The following TULP4 variants were observed in gnomAD, a reference collection of about 807,000 sequenced individuals.
TULP4 encodes the protein tubby-related protein 4.
TULP4 carries 16 observed loss-of-function variants against 129.0 expected under a neutral mutation model. The observed-to-expected ratio is 0.12, with a 90% CI of 0.08 to 0.19. TULP4 has a LOEUF of 0.19. TULP4 is among the 10% of genes least tolerant of loss of function. TULP4 has a pLI of 1.00. For missense variants in TULP4, 1,842 were observed against 2,059.1 expected, an observed-to-expected ratio of 0.89 and a Z score of 2.04; for synonymous variants, 998 against 854.0, an observed-to-expected ratio of 1.17 and a Z score of -2.94.
chr6:158,391,519 A>G (rs1011568529), intron 1 of TULP4, among the ~76,000 whole-genome samples: 1 of 152,208 alleles, frequency 6.6e-6, no homozygotes, highest in Non-Finnish European at 1.5e-5. Flanking sequence ...ACTAATTTTT[A>G]AAGTATTTTT....
chr6:158,312,793 G>A lies in TULP4; in HGVS notation c.-1224G>A, dbSNP rs995941985. The A allele has an allele frequency of 6.6e-6, 1 of 152,130 alleles. No individual in the cohort carries two copies. The highest frequency in any genetic ancestry group is 2.4e-5 in the African/African-American group (1 of 41,424). 9.4% of individuals were successfully genotyped at this position (152,130 alleles called of 1,614,324 possible). ...GCAAAGCTTTCTTTTTGTTGGACTA[G>A]TGGTGTGGTGTTTGGAGACAGTCTC... On this transcript the variant is annotated 5_prime_UTR_variant, in exon 1 of 14. In the 5' UTR this introduces an upstream ATG that the reference lacks. Coordinates refer to ENST00000367097, the MANE Select transcript of TULP4 (RefSeq NM_020245.5).
intron 3 of TULP4, among the ~76,000 whole-genome samples, chr6:158,448,382 G>A (rs1002721950): frequency 5.9e-5 from 9 of 152,126 alleles, no homozygotes; most frequent in African/African-American, 2.2e-4. Context: ...TGCAAAGTAA[G>A]TACTTAATAT....
chr6:158,242,526 GTCTTCAAGACATTCTCAAT>G, intron 1 of TULP4: 2 of 756,606 alleles, frequency 2.6e-6, no homozygotes, highest in Non-Finnish European at 4.9e-6. Context: ...ACTTTCTACT[GTCTTCAAGACATTCTCAAT>G]TCTGTTGAGC....
rs1554281465 is a variant in TULP4 at position 158,337,035 on chromosome 6, T to TTC, written c.252+22768_252+22769insCT. On this transcript the variant is annotated intron_variant, in intron 1 of 13. Transcript: ENST00000367097. ...GAGCTGTAAAATTTTCTTTCTTTCT[T>TTC]TTTCTTTCTTTCTTTCTTTCTTTCT... is the stretch of plus-strand genomic sequence containing the variant. 3.3e-3 allele frequency among the ~76,000 whole-genome samples: 88 copies of TTC among 26,676 alleles called. 1 individual carries two copies. The highest frequency in any genetic ancestry group is 5.8e-3 in the African/African-American group (85 of 14,776). 17.5% of individuals were successfully genotyped at this position (26,676 alleles called of 152,430 possible).
intron 3 of TULP4, among the ~76,000 whole-genome samples, chr6:158,441,506 A>G (rs1003407244): frequency 2.0e-5 from 3 of 152,172 alleles, no homozygotes; most frequent in African/African-American, 7.2e-5. Context: ...GCCAGCGTTT[A>G]GCCAGATGGT....
chr6:158,418,943 T>A (rs1329141949), intron 2 of TULP4, among the ~76,000 whole-genome samples: 2 of 152,362 alleles, frequency 1.3e-5, no homozygotes, highest in Middle Eastern at 3.4e-3. Flanking sequence ...AAATCTTTTT[T>A]AAAATACATA....
rs1327170678 is a variant in TULP4, at chr6:158,504,636, G to A, written c.4515+458G>A. ...CTCTCAAAGTGCAGGGATTACAGGC[G>A]TGAGCTACCACGCCCAGCCCTAATT... On this transcript the variant is annotated intron_variant, in intron 13 of 13. Coordinates refer to ENST00000367097, the MANE Select transcript of TULP4 (RefSeq NM_020245.5). Among the ~76,000 whole-genome samples, 9 of 149,542 alleles carry A rather than the reference G, an allele frequency of 6.0e-5. No individual in the cohort carries two copies. In the East Asian group the frequency reaches 7.8e-4, roughly 13 times the overall value.
Position 158,313,831 on chromosome 6 carries a change from TCAC to T in TULP4, c.-185_-183del. 1 of 624,392 alleles carries T rather than the reference TCAC, an allele frequency of 1.6e-6. No individual in the cohort carries two copies. The allele number at this position is 624,392 out of a possible 1,614,324, so 38.7% of individuals were successfully genotyped here. On this transcript the variant is annotated 5_prime_UTR_variant, in exon 1 of 14. Coordinates refer to ENST00000367097, the MANE Select transcript of TULP4 (RefSeq NM_020245.5). The stretch of plus-strand genomic sequence containing the variant: ...CATCATCTTTTATAGAGGAATTTTT[TCAC>T]TATGCATTCGGTGGATCTTTATAAA...
chr6:158,278,264 C>T (rs1295215602), upstream of TULP4, among the ~76,000 whole-genome samples: 5 of 152,076 alleles, frequency 3.3e-5, 1 homozygote, highest in Non-Finnish European at 5.9e-5. Context: ...CTGTGTGGTA[C>T]AATGAGCTGT....
intron 1 of TULP4, among the ~76,000 whole-genome samples, chr6:158,271,040 C>T (rs1188087924): frequency 6.6e-6 from 1 of 150,918 alleles, no homozygotes; most frequent in Non-Finnish European, 1.5e-5. Context: ...ATCCCAGATA[C>T]ATGGGAGGCT....
rs1445997894 is a variant in TULP4, at chr6:158,504,082, G to A, written c.4419G>A (p.Leu1473=). ...FVYVMANKQP[L]WNEATQVYQL... ...ACGTGATGGCCAACAAGCAGCCGCT[G>A]TGGAACGAGGCCACCCAGGTCTACC... The change falls in exon 13 of 14, where the codon CTG becomes CTA. Residue 1473 remains leucine (L), a synonymous_variant. Transcript: ENST00000367097. 5 of 1,608,438 alleles carry A rather than the reference G, an allele frequency of 3.1e-6. No homozygotes were observed. The highest frequency in any genetic ancestry group is 1.3e-5 in the African/African-American group (1 of 74,882).
At position 158,466,096 on chromosome 6, in the gene TULP4, A is replaced by G. The variant is rs865913458; in HGVS notation, c.1026+4367A>G. ...TTATTGCCATCAAGAGCCTTTTGTC[A>G]GTCTTATGATCTCTATTTTAACATT... On this transcript the variant is annotated intron_variant, in intron 6 of 13. Transcript: ENST00000367097. Among the ~76,000 whole-genome samples, 3 of 152,244 alleles carry G rather than the reference A, an allele frequency of 2.0e-5. No homozygotes were observed. The South Asian group carries it at 6.2e-4, about 32-fold the overall frequency.
At chr6:158,289,622 C>T (rs1778895815) in intron 1 of TULP4, among the ~76,000 whole-genome samples, 1 of 152,056 alleles carries the variant, frequency 6.6e-6, no homozygotes, top group Non-Finnish European at 1.5e-5. Flanking sequence ...ATTTTGTGGT[C>T]CAGGCTGGAG....
chr6:158,423,929 C>A (rs149182810), intron 2 of TULP4, among the ~76,000 whole-genome samples: 7 of 151,782 alleles, frequency 4.6e-5, no homozygotes, highest in African/African-American at 1.7e-4. Flanking sequence ...TGTGAGCCAC[C>A]GCGCCTGGCC....
chr6:158,426,651 ATGATGCC>A (rs1778501527), intron 2 of TULP4, among the ~76,000 whole-genome samples: 1 of 152,152 alleles, frequency 6.6e-6, no homozygotes, highest in African/African-American at 2.4e-5. Context: ...GTCAGGTAGC[ATGATGCC>A]TCCAGCTTTG....
intron 1 of TULP4, among the ~76,000 whole-genome samples, chr6:158,361,233 G>T (rs1780780930): frequency 6.6e-6 from 1 of 152,182 alleles, no homozygotes; most frequent in Non-Finnish European, 1.5e-5. Flanking sequence ...GCCTGTGATT[G>T]GGACCCCTGG....
chr6:158,463,386 TATC>T (rs2115190187), intron 6 of TULP4, among the ~76,000 whole-genome samples: 1 of 152,062 alleles, frequency 6.6e-6, no homozygotes, highest in African/African-American at 2.4e-5. Context: ...GAGGATGAAT[TATC>T]AGCAGCGCGT....
At chr6:158,259,847 T>G (rs903233047) in intron 1 of TULP4, among the ~76,000 whole-genome samples, 2 of 152,136 alleles carry the variant, frequency 1.3e-5, no homozygotes, top group African/African-American at 4.8e-5. Flanking sequence ...AGGATACAAC[T>G]CAGGAACAGC....
chr6:158,434,301 A>C (rs1176868799), intron 3 of TULP4, among the ~76,000 whole-genome samples: 1 of 152,228 alleles, frequency 6.6e-6, no homozygotes, highest in African/African-American at 2.4e-5. Context: ...AGAATATAAA[A>C]GTTACAGAAG....
Sources: allele counts gnomAD v4.1 joint callset (sites outside exome capture counted in the v4.1 genomes callset), GRCh38; gene constraint gnomAD v4.1.1; transcripts MANE v1.5; gene names NCBI Gene and HGNC (gene_info 2026-07-23, HGNC 2026-07-21).